Variants in EVL observed in about 807,000 individuals in gnomAD.
EVL encodes the protein Enah/Vasp-like.
Under a neutral mutation model 59.6 loss-of-function variants are expected in EVL, and 21 were observed. The observed-to-expected ratio is 0.35, with a 90% CI of 0.25 to 0.51. The LOEUF is 0.51. Ranked by LOEUF, EVL falls within the 20% of genes least tolerant of loss-of-function variation. The probability of loss-of-function intolerance (pLI) is 0.97; values close to 1 mark genes in which losing one functional copy is unlikely to be tolerated. For missense variants in EVL, 462 were observed against 546.6 expected, an observed-to-expected ratio of 0.85 and a Z score of 1.54; for synonymous variants, 198 against 203.5, an observed-to-expected ratio of 0.97 and a Z score of 0.23.
At chr14:100,129,463 G>C in intron 6 of EVL, 100 bp from the exon 7 acceptor site, 2 of 1,546,470 alleles carry the variant, frequency 1.3e-6, no homozygotes, top group Non-Finnish European at 1.8e-6. Context: ...TGCTGCCATA[G>C]GATTCACACG....
At chr14:100,115,669 T>C (rs1023999691) in intron 3 of EVL, among the ~76,000 whole-genome samples, 1 of 152,206 alleles carries the variant, frequency 6.6e-6, no homozygotes, top group African/African-American at 2.4e-5. Flanking sequence ...GGAGGGTCTG[T>C]TGCAGGATTT....
intron 1 of EVL, among the ~76,000 whole-genome samples, chr14:100,045,279 A>G (rs1352505837): frequency 6.6e-6 from 1 of 152,204 alleles, no homozygotes; most frequent in East Asian, 1.9e-4. Flanking sequence ...CTTCCTGGTC[A>G]TCTTTTTAAG....
intron 1 of EVL, among the ~76,000 whole-genome samples, chr14:100,002,767 A>G (rs889463989): frequency 6.6e-6 from 1 of 152,236 alleles, no homozygotes; most frequent in Non-Finnish European, 1.5e-5. Flanking sequence ...TCATTATGAA[A>G]TAAGTCATTC....
At chr14:100,013,584 C>A (rs1027449065) in intron 1 of EVL, among the ~76,000 whole-genome samples, 1 of 152,188 alleles carries the variant, frequency 6.6e-6, no homozygotes, top group Admixed American at 6.5e-5. Context: ...GGATCCGGGA[C>A]CGAGGGTCCC....
rs1454754374 is a variant in EVL, at chr14:100,114,898, G to GC, written c.359-8640dup. On this transcript the variant is annotated intron_variant, in intron 3 of 13. Transcript: ENST00000392920. This position sits in a 1 kb window ranked among gnomAD's most constrained non-coding sequence, Gnocchi z 5.0. Reference sequence around the variant, plus strand: ...CGGAAGCGGCAGGGTGGAAGCAGCAGCTGGGTACTGGGAGGCCTGAGCTTC... The same window carrying GC: ...CGGAAGCGGCAGGGTGGAAGCAGCAGCCTGGGTACTGGGAGGCCTGAGCTTC... 2.6e-5 allele frequency among the ~76,000 whole-genome samples: 4 copies of GC among 151,992 alleles called. No individual in the cohort carries two copies. Among genetic ancestry groups the GC allele is most frequent in the African/African-American group, 9.7e-5 (4 of 41,436 alleles).
At chr14:100,040,349 C>G (rs1288722002) in intron 1 of EVL, among the ~76,000 whole-genome samples, 1 of 152,184 alleles carries the variant, frequency 6.6e-6, no homozygotes, top group Non-Finnish European at 1.5e-5. Flanking sequence ...ATCCTCTCCT[C>G]AGCTCAGATT....
At chr14:100,064,843 G>A (rs974833157), upstream of EVL, among the ~76,000 whole-genome samples, 3 of 152,228 alleles carry the variant, frequency 2.0e-5, no homozygotes, top group South Asian at 4.1e-4. Flanking sequence ...CCAGGAAGCT[G>A]TGGTGGCGGT....
At chr14:100,027,071 T>G (rs1455613150) in intron 1 of EVL, among the ~76,000 whole-genome samples, 1 of 152,150 alleles carries the variant, frequency 6.6e-6, no homozygotes. Context: ...AAAAGCAAGG[T>G]GTTATTTGGG....
intron 1 of EVL, among the ~76,000 whole-genome samples, chr14:100,060,227 G>T (rs1009805426): frequency 6.6e-6 from 1 of 151,700 alleles, no homozygotes; most frequent in Admixed American, 6.6e-5. Context: ...TCAGGAGATC[G>T]AGACCATCCT....
chr14:100,030,993 G>A (rs778637024), intron 1 of EVL, among the ~76,000 whole-genome samples: 3 of 152,190 alleles, frequency 2.0e-5, no homozygotes. Flanking sequence ...GGTCTCTTCC[G>A]TGTAGGGAAG....
intron 1 of EVL, among the ~76,000 whole-genome samples, chr14:99,976,336 C>T (rs1247796170): frequency 1.3e-5 from 2 of 152,056 alleles, no homozygotes; most frequent in East Asian, 3.8e-4. Flanking sequence ...GCCATTGTGC[C>T]CAGCTGATTT....
At chr14:100,097,685 TG>T (rs755163411) in intron 3 of EVL, 27 bp downstream of exon 3, 44 of 1,577,202 alleles carry the variant, frequency 2.8e-5, no homozygotes, top group Non-Finnish European at 3.6e-5. Flanking sequence ...CTTGGCCTGA[TG>T]CTGAGACCCT....
intron 1 of EVL, among the ~76,000 whole-genome samples, chr14:100,028,135 T>TTTG (rs1555413984): frequency 0.085 from 6,055 of 70,932 alleles, 393 homozygotes; most frequent in African/African-American, 0.23. Flanking sequence ...TGTTTGTTTG[T>TTTG]TTTTTTTTTT....
intron 1 of EVL, among the ~76,000 whole-genome samples, chr14:100,046,745 TTTTC>T (rs1269003836): frequency 2.0e-5 from 3 of 150,402 alleles, no homozygotes; most frequent in Non-Finnish European, 4.4e-5. Flanking sequence ...TTGATTTTCT[TTTTC>T]TTTCTTTTTT....
At position 100,019,439 on chromosome 14, in the gene EVL, A is replaced by C; in HGVS notation, c.5+47382A>C. On this transcript the variant is annotated intron_variant, in intron 1 of 13. Transcript: ENST00000402714. ...ATTAATCAGACTTGCTGGAATGATC[A>C]CATGGTTTTCTAGCTGCCTCCCCTG... 5.6e-6 allele frequency: 3 copies of C among 539,976 alleles called. No individual in the cohort carries two copies. In the South Asian group the frequency reaches 8.1e-5, roughly 15 times the overall value. 33.4% of individuals were successfully genotyped at this position (539,976 alleles called of 1,614,324 possible).
intron 1 of EVL, among the ~76,000 whole-genome samples, chr14:100,004,243 A>G (rs2060964373): frequency 6.6e-6 from 1 of 152,204 alleles, no homozygotes. Flanking sequence ...AAATGTTAGC[A>G]TCAGGCCACA....
intron 3 of EVL, among the ~76,000 whole-genome samples, chr14:100,101,586 T>TA (rs933055211): frequency 6.6e-6 from 1 of 152,168 alleles, no homozygotes; most frequent in Non-Finnish European, 1.5e-5. Context: ...GAGGTTGCAG[T>TA]AAGCCGAGAT....
At chr14:99,989,352 T>G (rs1311270683) in intron 1 of EVL, among the ~76,000 whole-genome samples, 1 of 152,212 alleles carries the variant, frequency 6.6e-6, no homozygotes, top group Non-Finnish European at 1.5e-5. Context: ...TTCATCGTTA[T>G]TAAAACACCA....
At chr14:100,093,002 C>T (rs2062597621) in intron 2 of EVL, among the ~76,000 whole-genome samples, 1 of 152,166 alleles carries the variant, frequency 6.6e-6, no homozygotes, top group Non-Finnish European at 1.5e-5. Context: ...TGCAAAAATG[C>T]ACGTGTTCAG....
Sources: gnomAD v4.1 joint callset for allele counts (sites outside exome capture counted in the v4.1 genomes callset) on GRCh38, gnomAD v4.1.1 for gene constraint, Gnocchi (gnomAD v3.1) non-coding constraint, MANE v1.5 for transcripts, NCBI Gene and HGNC (gene_info 2026-07-23, HGNC 2026-07-21) for gene names.